The following CABP1 variants were observed in gnomAD, a reference collection of about 807,000 sequenced individuals.
The protein encoded by CABP1 is calcium-binding protein 1.
A neutral mutation model predicts 34.3 loss-of-function variants in CABP1; 17 were observed. The ratio of observed to expected loss-of-function variants is 0.50; its 90% CI spans 0.34 to 0.74. The LOEUF is 0.74. CABP1 is among the 30% of genes least tolerant of loss of function. CABP1 has a pLI of 0.01. For missense variants in CABP1, 373 were observed against 511.1 expected (o/e 0.73, Z 2.61); for synonymous variants, 198 against 229.2 (o/e 0.86, Z 1.23).
chr12:120,647,636 C>T (rs60127123), intron 1 of CABP1, among the ~76,000 whole-genome samples: 1 of 143,772 alleles, frequency 7.0e-6, no homozygotes, highest in Non-Finnish European at 1.5e-5. Flanking sequence ...GACGCGATCT[C>T]GACTCACTGC....
At chr12:120,655,623 C>T in intron 1 of CABP1, 13 of 1,388,520 alleles carry the variant, frequency 9.4e-6, no homozygotes, top group Non-Finnish European at 1.2e-5. Context: ...TGGAGTAGGA[C>T]AAGTCTGTTT....
chr12:120,651,799 G>T (rs997969217), intron 1 of CABP1, among the ~76,000 whole-genome samples: 8 of 152,138 alleles, frequency 5.3e-5, no homozygotes, highest in Non-Finnish European at 8.8e-5. Flanking sequence ...ATCCTTCCAA[G>T]GGCTTGTTGT....
rs144125096 is a variant in CABP1, at chr12:120,661,597, CCTATCTAT to C, written c.1087+386_1087+393del. ...ATTTATCCATTCATCCATTCATCTA[CCTATCTAT>C]CTATCTGTCCATCATCCATCCATCC... On this transcript the variant is annotated intron_variant, in intron 5 of 5. Coordinates refer to ENST00000316803, the MANE Select transcript of CABP1 (RefSeq NM_001033677.2). This position sits in a 1 kb window ranked among gnomAD's most constrained non-coding sequence, Gnocchi z 5.1. 8.9e-4 allele frequency: 163 copies of C among 183,536 alleles called. 1 individual carries two copies. Among genetic ancestry groups the C allele is most frequent in the Middle Eastern group, 2.5e-3 (1 of 400 alleles). 11.4% of individuals were successfully genotyped at this position (183,536 alleles called of 1,614,324 possible). A position where few individuals can be genotyped will look rare whatever the true frequency, so the allele number is the denominator to read the frequency against.
chr12:120,665,535 A>T (rs1239398047), intron 5 of CABP1, among the ~76,000 whole-genome samples: 1 of 152,144 alleles, frequency 6.6e-6, no homozygotes, highest in Non-Finnish European at 1.5e-5. Flanking sequence ...CCAACAATGA[A>T]CCCTGATGTA....
intron 1 of CABP1, chr12:120,650,585 A>T (rs1260105377): frequency 1.2e-6 from 2 of 1,613,168 alleles, no homozygotes; most frequent in Non-Finnish European, 1.7e-6. Context: ...TCAGTCCCCC[A>T]GGAGCCTCCT....
At chr12:120,655,762 G>T (rs930291591) in intron 1 of CABP1, 1 of 1,476,422 alleles carries the variant, frequency 6.8e-7, no homozygotes, top group East Asian at 2.5e-5. Context: ...GAAGCCCCCC[G>T]CTGCCCCTGT....
At chr12:120,658,548 G>C (rs1880405738) in intron 1 of CABP1, among the ~76,000 whole-genome samples, 1 of 152,182 alleles carries the variant, frequency 6.6e-6, no homozygotes, top group African/African-American at 2.4e-5. Context: ...CTGCCACACA[G>C]AGCTACCTCT....
chr12:120,646,808 C>T (rs1201569926), intron 1 of CABP1, among the ~76,000 whole-genome samples: 2 of 152,310 alleles, frequency 1.3e-5, no homozygotes, highest in Middle Eastern at 3.4e-3. Flanking sequence ...CCGCCATACC[C>T]AGCTGTTCAG....
In CABP1 at chr12:120,663,538, A is replaced by G. The variant is rs567736713; in HGVS notation, c.1087+2320A>G. Among the ~76,000 whole-genome samples, 4 of 152,332 alleles carry G rather than the reference A, an allele frequency of 2.6e-5. 1 individual carries two copies. Among genetic ancestry groups the G allele is most frequent in the African/African-American group, 9.6e-5 (4 of 41,586 alleles). ...TGATCCACCCGCCTTAGCCTCCCAA[A>G]GTGCTGGGATTACAGTCGTGAGCCA... On this transcript the variant is annotated intron_variant, in intron 5 of 5. Coordinates refer to ENST00000316803, the MANE Select transcript of CABP1 (RefSeq NM_001033677.2).
rs967544322 is a variant in CABP1, at chr12:120,660,138, C to T, written c.686-58C>T. ...CGGTGGGCCTTTGGGCTGCCTTTGC[C>T]CACAGAGGCTCTGCGGGTCCTACCC... On this transcript the variant is annotated intron_variant, in intron 2 of 5. Coordinates refer to ENST00000316803, the MANE Select transcript of CABP1 (RefSeq NM_001033677.2). The surrounding 1 kb of genome is among the most constrained non-coding windows in gnomAD (Gnocchi z 5.0). 6.2e-7 allele frequency: 1 copy of T among 1,601,656 alleles called. No homozygotes were observed. Among genetic ancestry groups the T allele is most frequent in the South Asian group, 1.1e-5 (1 of 89,492 alleles).
intron 5 of CABP1, among the ~76,000 whole-genome samples, chr12:120,666,460 C>G (rs1232330561): frequency 9.5e-6 from 1 of 105,352 alleles, no homozygotes; most frequent in Non-Finnish European, 1.8e-5. Context: ...GGTGACAGAG[C>G]AAGACTCCAT....
rs1477063003 is a variant in CABP1 at position 120,651,405 on chromosome 12, T to C, written c.655-8473T>C. On this transcript the variant is annotated intron_variant, in intron 1 of 5. Coordinates refer to ENST00000316803, the MANE Select transcript of CABP1 (RefSeq NM_001033677.2). Reference sequence around the variant, plus strand: ...ATTCCTTTTAGAAAGAACATGATCATCTCTAAAGCATCTTTCATGCAAGGC... The same window carrying C: ...ATTCCTTTTAGAAAGAACATGATCACCTCTAAAGCATCTTTCATGCAAGGC... 2.6e-5 allele frequency among the ~76,000 whole-genome samples: 4 copies of C among 152,322 alleles called. No homozygotes were observed. In the East Asian group the frequency reaches 7.7e-4, roughly 29 times the overall value.
At chr12:120,679,735 G>A in the CABP1 span, among the ~76,000 whole-genome samples, 3 of 152,178 alleles carry the variant, frequency 2.0e-5, no homozygotes, top group African/African-American at 7.2e-5. Flanking sequence ...GCTGAGGCAG[G>A]AGAATCACTT....
At chr12:120,645,313 T>C (rs1176681884) in intron 1 of CABP1, among the ~76,000 whole-genome samples, 1 of 152,198 alleles carries the variant, frequency 6.6e-6, no homozygotes, top group Non-Finnish European at 1.5e-5. Flanking sequence ...CAGCTTGTGG[T>C]TAACATCAGC....
At chr12:120,656,500 C>G (rs890029552) in intron 1 of CABP1, among the ~76,000 whole-genome samples, 1 of 152,146 alleles carries the variant, frequency 6.6e-6, no homozygotes, top group Admixed American at 6.5e-5. Flanking sequence ...TGAGCACTTA[C>G]TAGGTGAGCA....
intron 1 of CABP1, among the ~76,000 whole-genome samples, chr12:120,646,663 C>T (rs757956412): frequency 6.6e-6 from 1 of 152,074 alleles, no homozygotes; most frequent in Non-Finnish European, 1.5e-5. Context: ...AGGGGCACAG[C>T]TGCCATGCCT....
chr12:120,659,972 T>A (rs544804813), intron 2 of CABP1, 64 bp downstream of exon 2: 1 of 1,543,138 alleles, frequency 6.5e-7, no homozygotes, highest in African/African-American at 1.4e-5. Flanking sequence ...GGAAGGGAGG[T>A]TGATGGGAAG....
chr12:120,659,050 C>T (rs971264013), intron 1 of CABP1: 2 of 152,214 alleles, frequency 1.3e-5, no homozygotes, highest in African/African-American at 4.8e-5. Flanking sequence ...GTTCTGACGC[C>T]TAGATTCAGG....
chr12:120,668,486 A>G (rs574535185), downstream of CABP1, among the ~76,000 whole-genome samples: 3 of 152,308 alleles, frequency 2.0e-5, no homozygotes, highest in East Asian at 5.8e-4. Flanking sequence ...AATAGCTGCC[A>G]TCCTCTCTGC....
Sources: allele counts gnomAD v4.1 joint callset (sites outside exome capture counted in the v4.1 genomes callset), GRCh38; gene constraint gnomAD v4.1.1; non-coding constraint Gnocchi (gnomAD v3.1); transcripts MANE v1.5; gene names NCBI Gene and HGNC (gene_info 2026-07-23, HGNC 2026-07-21).